Variants in SF3A1 observed in about 807,000 individuals in gnomAD.
SF3A1 encodes the protein splicing factor 3a subunit 1, also known as SAP 114.
In SF3A1, 13 loss-of-function variants were observed where a neutral mutation model predicts 89.9. That is an observed-to-expected ratio of 0.14 (90% CI 0.09 to 0.23). SF3A1 has a LOEUF of 0.23. SF3A1 is among the 10% of genes least tolerant of loss of function. SF3A1 has a pLI of 1.00. For synonymous variants in SF3A1, 405 were observed against 374.4 expected (o/e 1.08, Z -0.94); for missense variants, 604 against 1,022.1 (o/e 0.59, Z 5.58).
intron 2 of SF3A1, among the ~76,000 whole-genome samples, chr22:30,348,121 C>A (rs1173520969): frequency 6.6e-6 from 1 of 152,252 alleles, no homozygotes; most frequent in African/African-American, 2.4e-5. Context: ...TAGGCGTGAG[C>A]CACTGAACCC....
chr22:30,332,540 A>T lies in SF3A1; in HGVS notation c.*2054T>A, dbSNP rs922585085. The T allele has an allele frequency of 6.6e-6, 1 of 152,258 alleles. No individual in the cohort carries two copies. Among genetic ancestry groups the T allele is most frequent in the Non-Finnish European group, 1.5e-5 (1 of 68,050 alleles). The allele number at this position is 152,258 out of a possible 1,614,324, so 9.4% of individuals were successfully genotyped here. A position where few individuals can be genotyped will look rare whatever the true frequency, so the allele number is the denominator to read the frequency against. ...CCACCTCGTTTTAAAAATGGGGCAG[A>T]TAATCCTCAGGAGATTGCAAGAAGA... On this transcript the variant is annotated 3_prime_UTR_variant, in exon 16 of 16. Coordinates refer to ENST00000215793, the MANE Select transcript of SF3A1 (RefSeq NM_005877.6).
At chr22:30,340,886 C>T (rs1288325383) in intron 7 of SF3A1, 74 bp from the exon 8 acceptor site, 3 of 894,154 alleles carry the variant, frequency 3.4e-6, no homozygotes, top group South Asian at 2.9e-5. Flanking sequence ...TGGCAGGTCT[C>T]TGGGTGGCAA....
Position 30,353,827 on chromosome 22 carries a change from C to T in SF3A1, c.64-755G>A, listed in dbSNP as rs190131509. Among the ~76,000 whole-genome samples the T allele has an allele frequency of 4.5e-3, 687 of 152,300 alleles. 7 individuals carry two copies. The highest frequency in any genetic ancestry group is 7.6e-3 in the Non-Finnish European group (514 of 68,010). ...GGAGTTTTGTCTGCGACTCGTCCTG[C>T]TACATTACCAAATGCCCAGGTGATT... On this transcript the variant is annotated intron_variant, in intron 1 of 15. Coordinates refer to ENST00000215793, the MANE Select transcript of SF3A1 (RefSeq NM_005877.6).
Position 30,356,723 on chromosome 22 carries a change from G to GAGGT in SF3A1, c.63+3_63+6dup. The GAGGT allele has an allele frequency of 1.3e-6, 2 of 1,489,984 alleles. No homozygotes were observed. The highest frequency in any genetic ancestry group is 1.8e-6 in the Non-Finnish European group (2 of 1,115,956). The allele number at this position is 1,489,984 out of a possible 1,614,324, so 92.3% of individuals were successfully genotyped here. A position where few individuals can be genotyped will look rare whatever the true frequency, so the allele number is the denominator to read the frequency against. ...CGGCTGCAGGCTGAGGGGCGGGGGA[G>GAGGT]AGGTACCTGTTTGGGCTCCGTGGGC... is the stretch of plus-strand genomic sequence containing the variant. On this transcript the variant is annotated splice_region_variant and intron_variant, in intron 1 of 15. Coordinates refer to ENST00000215793, the MANE Select transcript of SF3A1 (RefSeq NM_005877.6).
intron 15 of SF3A1, 70 bp downstream of exon 15, chr22:30,335,397 A>T: frequency 7.6e-7 from 1 of 1,321,962 alleles, no homozygotes; most frequent in Non-Finnish European, 1.1e-6. Context: ...AGCTTCCATG[A>T]CAGATTTAGC....
At position 30,334,102 on chromosome 22, in the gene SF3A1, A is replaced by G. The variant is rs1930993783; in HGVS notation, c.*492T>C. On this transcript the variant is annotated 3_prime_UTR_variant, in exon 16 of 16. Transcript: ENST00000215793. ...CCAAAAATCCTCAAAGAGAAGCCAC[A>G]TAGCACTGTGCAGTGTTACCACTGC... 6.5e-6 allele frequency: 1 copy of G among 152,826 alleles called. No homozygotes were observed. Among genetic ancestry groups the G allele is most frequent in the African/African-American group, 2.4e-5 (1 of 41,470 alleles). The allele number at this position is 152,826 out of a possible 1,614,324, so 9.5% of individuals were successfully genotyped here. A position where few individuals can be genotyped will look rare whatever the true frequency, so the allele number is the denominator to read the frequency against.
At chr22:30,335,563 C>A in intron 14 of SF3A1, 25 bp from the exon 15 acceptor site, 1 of 1,613,900 alleles carries the variant, frequency 6.2e-7, no homozygotes, top group Non-Finnish European at 8.5e-7. Context: ...AGCGGTCATT[C>A]AACTCCTTGG....
chr22:30,347,356 C>T (rs1931452503), intron 2 of SF3A1, among the ~76,000 whole-genome samples: 1 of 152,096 alleles, frequency 6.6e-6, no homozygotes. Flanking sequence ...TCCAAGTACT[C>T]CCTAAAACCA....
intron 1 of SF3A1, among the ~76,000 whole-genome samples, chr22:30,354,910 C>T (rs1421419201): frequency 1.3e-5 from 2 of 152,104 alleles, no homozygotes; most frequent in African/African-American, 2.4e-5. Context: ...GGTGACAGAA[C>T]GACACCCGGT....
At position 30,356,761 on chromosome 22, in the gene SF3A1, G is replaced by A. The variant is rs1379287791; in HGVS notation, c.32C>T (p.Pro11Leu). The part of the protein sequence containing the change: MPAGPVQAVP[P>L]PPPVPTEPKQ... ...GGGCTCCGTGGGCACGGGCGGCGGC[G>A]GGGGCACCGCCTGCACGGGTCCGGC... The change falls in exon 1 of 16, where the codon CCG (proline) becomes CTG (leucine). Residue 11 changes from proline (P) to leucine (L), a missense_variant. Physicochemically the swap from Pro to Leu is moderately conservative, Grantham distance 98. Around this residue, in one of 9 missense-constraint regions of SF3A1, gnomAD observed 55 missense variants for 43.8 expected, o/e 1.25. Transcript: ENST00000215793. 2 of 1,481,308 alleles carry A rather than the reference G, an allele frequency of 1.4e-6. No homozygotes were observed. The highest frequency in any genetic ancestry group is 2.2e-5 in the Admixed American group (1 of 45,048). The allele number at this position is 1,481,308 out of a possible 1,614,324, so 91.8% of individuals were successfully genotyped here.
At chr22:30,349,384 G>A (rs910072812) in intron 2 of SF3A1, among the ~76,000 whole-genome samples, 4 of 152,188 alleles carry the variant, frequency 2.6e-5, no homozygotes, top group African/African-American at 9.7e-5. Flanking sequence ...GGGTTCAAAC[G>A]ATTCTTCTGC....
At chr22:30,335,419 CAG>C (rs1455434522) in intron 15 of SF3A1, 46 bp downstream of exon 15, 9 of 1,493,142 alleles carry the variant, frequency 6.0e-6, no homozygotes, top group African/African-American at 1.4e-5. Flanking sequence ...TCTGTGAAAG[CAG>C]AGGTGTCAGG....
chr22:30,344,165 A>T (rs1302255598), intron 4 of SF3A1, among the ~76,000 whole-genome samples: 1 of 151,186 alleles, frequency 6.6e-6, no homozygotes, highest in Non-Finnish European at 1.5e-5. Context: ...AAAATGCCAG[A>T]GCTCAAGCCC....
intron 13 of SF3A1, 43 bp downstream of exon 13, chr22:30,336,983 A>C (rs1276302199): frequency 6.2e-7 from 1 of 1,612,556 alleles, no homozygotes; most frequent in Admixed American, 1.7e-5. Context: ...GCGGGACTGA[A>C]CCCTCCAGCT....
intron 9 of SF3A1, among the ~76,000 whole-genome samples, chr22:30,339,542 G>A (rs1032890937): frequency 6.6e-6 from 1 of 152,196 alleles, no homozygotes; most frequent in Admixed American, 6.5e-5. Flanking sequence ...TCACATCTGA[G>A]GTCAGGAGTT....
At chr22:30,346,155 T>G in intron 3 of SF3A1, 157 bp downstream of exon 3, 1 of 630,192 alleles carries the variant, frequency 1.6e-6, no homozygotes, top group Admixed American at 2.8e-5. Context: ...ATCAGTACTT[T>G]GCTGTCTGGG....
chr22:30,346,882 G>A (rs531502376), intron 2 of SF3A1, among the ~76,000 whole-genome samples: 11 of 152,250 alleles, frequency 7.2e-5, no homozygotes, highest in African/African-American at 2.6e-4. Context: ...AAAAAAATCA[G>A]TATGCCTTTA....
rs200618474 is a variant in SF3A1 at position 30,340,361 on chromosome 22, C to T, written c.1210G>A (p.Ala404Thr). 22 of 1,611,502 alleles carry T rather than the reference C, an allele frequency of 1.4e-5. No homozygotes were observed. The Admixed American group carries it at 2.2e-4, about 16-fold the overall frequency. Reference sequence around the variant, plus strand: ...ACAAGATACTCATCTGGAGCAGGGGCTGGAGGCAAGGGCTTGGAGGCTAAA... The same window carrying T: ...ACAAGATACTCATCTGGAGCAGGGGTTGGAGGCAAGGGCTTGGAGGCTAAA... Reference protein sequence around the residue: ...DPKASKPLPPAPAPDEYLVSP... With the variant: ...DPKASKPLPPTPAPDEYLVSP... The change falls in exon 9 of 16, where the codon GCC becomes ACC. Residue 404 changes from alanine to threonine, a missense_variant. This residue lies in a region of SF3A1 where 146 missense variants were observed against 228.5 expected (regional missense o/e 0.64). Transcript: ENST00000215793.
chr22:30,350,007 A>G (rs1331415630), intron 2 of SF3A1, among the ~76,000 whole-genome samples: 1 of 152,166 alleles, frequency 6.6e-6, no homozygotes, highest in East Asian at 1.9e-4. Context: ...ATGGCACAAA[A>G]TTATTGGAAA....
Sources: gnomAD v4.1 joint callset for allele counts (sites outside exome capture counted in the v4.1 genomes callset) on GRCh38, gnomAD v4.1.1 for gene constraint, gnomAD v4.1.1 regional missense constraint, MANE v1.5 for transcripts, NCBI Gene and HGNC (gene_info 2026-07-23, HGNC 2026-07-21) for gene names.